The following ACTR3C variants were observed in gnomAD, a reference collection of about 807,000 sequenced individuals.
The protein encoded by ACTR3C is actin-related protein 3C.
A neutral mutation model predicts 26.3 loss-of-function variants in ACTR3C; 18 were observed. That is an observed-to-expected ratio of 0.68 (90% CI 0.47 to 1.01). ACTR3C has a LOEUF of 1.01. ACTR3C is among the 50% of genes least tolerant of loss of function. The pLI is 0.00. For missense variants in ACTR3C, 184 were observed against 250.7 expected, an observed-to-expected ratio of 0.73 and a Z score of 1.80; for synonymous variants, 55 against 94.5, an observed-to-expected ratio of 0.58 and a Z score of 2.42.
At chr7:149,983,287 A>G in the ACTR3C span, among the ~76,000 whole-genome samples, 1 of 151,734 alleles carries the variant, frequency 6.6e-6, no homozygotes, top group Non-Finnish European at 1.5e-5. Context: ...CTTCAAAGAA[A>G]ACATACAAAT....
the ACTR3C span, among the ~76,000 whole-genome samples, chr7:150,229,947 G>A: frequency 5.3e-4 from 80 of 151,660 alleles, 1 homozygote; most frequent in South Asian, 0.015. Context: ...TAATGAGGCC[G>A]GGCATGGTGG....
At chr7:150,242,450 G>C (rs571665525), downstream of ACTR3C, among the ~76,000 whole-genome samples, 34 of 150,730 alleles carry the variant, frequency 2.3e-4, no homozygotes, top group African/African-American at 8.0e-4. Context: ...TCTTGATCAA[G>C]GTAGGCTACT....
At chr7:150,090,160 G>A in the ACTR3C span, among the ~76,000 whole-genome samples, 5 of 152,300 alleles carry the variant, frequency 3.3e-5, no homozygotes, top group Admixed American at 1.3e-4. Context: ...ATTAATTCAT[G>A]AGAAAGCATT....
At chr7:149,942,070 G>A in the ACTR3C span, among the ~76,000 whole-genome samples, 781 of 152,326 alleles carry the variant, frequency 5.1e-3, 6 homozygotes, top group African/African-American at 0.018. Context: ...CTCACCATTC[G>A]TGAGCTCGAA....
At chr7:150,313,747 G>C (rs1215920011) in intron 1 of ACTR3C, among the ~76,000 whole-genome samples, 1 of 152,154 alleles carries the variant, frequency 6.6e-6, no homozygotes, top group Non-Finnish European at 1.5e-5. Context: ...TAGAAAGAGG[G>C]AGAGAGGGGG....
At chr7:149,994,522 G>A in the ACTR3C span, among the ~76,000 whole-genome samples, 2 of 152,094 alleles carry the variant, frequency 1.3e-5, no homozygotes, top group South Asian at 2.1e-4. Flanking sequence ...GCTTGAACCC[G>A]GGAGGCAGAG....
chr7:150,086,032 A>T, the ACTR3C span, among the ~76,000 whole-genome samples: 1 of 151,072 alleles, frequency 6.6e-6, no homozygotes, highest in East Asian at 1.9e-4. Flanking sequence ...GCTGGAGTAC[A>T]GTGGCAAAAT....
chr7:150,015,034 A>C, the ACTR3C span, among the ~76,000 whole-genome samples: 14 of 152,338 alleles, frequency 9.2e-5, no homozygotes, highest in African/African-American at 3.4e-4. Flanking sequence ...AATGGCTCTG[A>C]AGATGAATGT....
chr7:150,201,063 G>T, the ACTR3C span, among the ~76,000 whole-genome samples: 1 of 152,124 alleles, frequency 6.6e-6, no homozygotes, highest in African/African-American at 2.4e-5. Context: ...ATTCCCTCTG[G>T]GGATGAGAAT....
the ACTR3C span, among the ~76,000 whole-genome samples, chr7:149,966,400 G>A: frequency 0.82 from 125,202 of 152,144 alleles, 55,127 homozygotes; most frequent in Non-Finnish European, 0.98. Flanking sequence ...TGAGTGTTTC[G>A]GATACACTTT....
At chr7:150,204,326 T>C in the ACTR3C span, among the ~76,000 whole-genome samples, 1 of 144,860 alleles carries the variant, frequency 6.9e-6, no homozygotes. Context: ...AATGTGGGTG[T>C]TTCTCATAAG....
At chr7:150,060,311 G>A in the ACTR3C span, among the ~76,000 whole-genome samples, 4 of 150,344 alleles carry the variant, frequency 2.7e-5, no homozygotes, top group African/African-American at 7.6e-5. Context: ...ATATTTTGAT[G>A]ATTTAGACCT....
At chr7:149,959,815 A>G in the ACTR3C span, among the ~76,000 whole-genome samples, 1 of 152,224 alleles carries the variant, frequency 6.6e-6, no homozygotes, top group Admixed American at 6.5e-5. Flanking sequence ...GGGCTTCATA[A>G]GAATGTCCCC....
At chr7:149,971,623 G>A in the ACTR3C span, among the ~76,000 whole-genome samples, 4 of 152,222 alleles carry the variant, frequency 2.6e-5, no homozygotes, top group East Asian at 3.9e-4. Context: ...GTAGGATTCT[G>A]AAAGGACTTC....
chr7:150,269,417 C>G (rs1461749995), intron 6 of ACTR3C, among the ~76,000 whole-genome samples: 1 of 149,092 alleles, frequency 6.7e-6, no homozygotes, highest in Non-Finnish European at 1.5e-5. Flanking sequence ...AGCAAACCCC[C>G]CCACCCGTGG....
the ACTR3C span, among the ~76,000 whole-genome samples, chr7:150,098,571 T>G: frequency 2.2e-4 from 34 of 151,798 alleles, 1 homozygote; most frequent in African/African-American, 7.8e-4. Context: ...TTTGTCAGTT[T>G]GTTTACTTAA....
chr7:150,319,205 CTTTTTTTTT>C (rs199647156), intron 1 of ACTR3C, among the ~76,000 whole-genome samples: 1 of 140,744 alleles, frequency 7.1e-6, no homozygotes, highest in Admixed American at 7.1e-5. Flanking sequence ...ATTGCTTCTT[CTTTTTTTTT>C]TTTTTTTGAG....
chr7:149,904,025 T>G, the ACTR3C span, among the ~76,000 whole-genome samples: 1 of 112,838 alleles, frequency 8.9e-6, no homozygotes, highest in East Asian at 3.0e-4. Context: ...GCTCAAGCAA[T>G]TCTCATGCCT....
chr7:150,011,714 A>C, the ACTR3C span, among the ~76,000 whole-genome samples: 1 of 152,190 alleles, frequency 6.6e-6, no homozygotes, highest in Non-Finnish European at 1.5e-5. Context: ...CAGTTTCTCA[A>C]TTCCCTTCTG....
Sources: allele counts gnomAD v4.1 joint callset (sites outside exome capture counted in the v4.1 genomes callset), GRCh38; gene constraint gnomAD v4.1.1; transcripts MANE v1.5; gene names NCBI Gene and HGNC (gene_info 2026-07-23, HGNC 2026-07-21).